Variants in BRINP2 observed in about 807,000 individuals in gnomAD.
BRINP2 encodes the protein BMP/retinoic acid-inducible neural-specific protein 2.
BRINP2 carries 21 observed loss-of-function variants against 69.2 expected under a neutral mutation model. The observed-to-expected ratio is 0.30, with a 90% confidence interval of 0.22 to 0.44. The LOEUF (loss-of-function observed/expected upper bound fraction) is 0.44. BRINP2 is among the 20% of genes least tolerant of loss of function. The probability of loss-of-function intolerance (pLI) is 1.00; values close to 1 mark genes in which losing one functional copy is unlikely to be tolerated. For synonymous variants in BRINP2, 380 were observed against 394.1 expected, an observed-to-expected ratio of 0.96 and a Z score of 0.42; for missense variants, 877 against 986.0, an observed-to-expected ratio of 0.89 and a Z score of 1.48.
At chr1:177,253,218 T>C (rs180820662) in intron 2 of BRINP2, among the ~76,000 whole-genome samples, 1 of 152,294 alleles carries the variant, frequency 6.6e-6, no homozygotes, top group East Asian at 1.9e-4. Flanking sequence ...TGTTATTTTC[T>C]GTCTTTTTGA....
At chr1:177,182,756 T>C (rs933098806) in intron 1 of BRINP2, among the ~76,000 whole-genome samples, 1 of 152,188 alleles carries the variant, frequency 6.6e-6, no homozygotes, top group Non-Finnish European at 1.5e-5. Flanking sequence ...CTACGTACCA[T>C]GTATTTGATC....
In BRINP2 at chr1:177,207,952, C is replaced by T. The variant is rs184768646; in HGVS notation, c.-76-21849C>T. The stretch of plus-strand genomic sequence containing the variant: ...GGCCAGAGTGGCCAGCAGTGCCAAA[C>T]GCCGCAGACAAGTTAGGGTAATGGG... On this transcript the variant is annotated intron_variant, in intron 1 of 7. Transcript: ENST00000361539. Among the ~76,000 whole-genome samples the T allele has an allele frequency of 2.7e-3, 414 of 152,244 alleles. 1 individual carries two copies. The highest frequency in any genetic ancestry group is 9.5e-3 in the African/African-American group (396 of 41,548).
At chr1:177,236,291 T>C (rs758347219) in intron 2 of BRINP2, among the ~76,000 whole-genome samples, 1 of 152,198 alleles carries the variant, frequency 6.6e-6, no homozygotes, top group Non-Finnish European at 1.5e-5. Context: ...AGCATGTCCT[T>C]ATCTTTGGGC....
intron 1 of BRINP2, among the ~76,000 whole-genome samples, chr1:177,200,339 T>C (rs1648873796): frequency 7.6e-6 from 1 of 131,558 alleles, no homozygotes; most frequent in African/African-American, 2.8e-5. Flanking sequence ...ATTAATGCAT[T>C]ATCAACATAG....
chr1:177,199,634 A>G (rs1648844446), intron 1 of BRINP2, among the ~76,000 whole-genome samples: 1 of 152,196 alleles, frequency 6.6e-6, no homozygotes. Flanking sequence ...CAGCATTTTC[A>G]GGGTGAAAAG....
intron 6 of BRINP2, among the ~76,000 whole-genome samples, chr1:177,277,151 G>A (rs1365128629): frequency 1.4e-5 from 2 of 147,340 alleles, no homozygotes; most frequent in African/African-American, 2.6e-5. Context: ...AGACAAAAAG[G>A]TTACATTATA....
At chr1:177,188,994 A>C (rs1342217722) in intron 1 of BRINP2, among the ~76,000 whole-genome samples, 7 of 152,212 alleles carry the variant, frequency 4.6e-5, no homozygotes. Flanking sequence ...GTACACACTA[A>C]TAGTAGAGAA....
intron 2 of BRINP2, among the ~76,000 whole-genome samples, chr1:177,250,157 C>T (rs1169947060): frequency 6.6e-6 from 1 of 152,218 alleles, no homozygotes; most frequent in Non-Finnish European, 1.5e-5. Context: ...ATGATCCTCC[C>T]ACCTCAGCCT....
intron 1 of BRINP2, among the ~76,000 whole-genome samples, chr1:177,178,719 C>T (rs1478220192): frequency 1.3e-5 from 2 of 151,944 alleles, no homozygotes; most frequent in Admixed American, 6.5e-5. Context: ...GATCGAGGCT[C>T]GAAGACATAC....
intron 2 of BRINP2, among the ~76,000 whole-genome samples, chr1:177,242,024 A>G (rs928187168): frequency 6.6e-6 from 1 of 152,216 alleles, no homozygotes; most frequent in African/African-American, 2.4e-5. Flanking sequence ...AGTTGAACTC[A>G]TGAGGTCCTA....
At chr1:177,184,357 C>G (rs1025153038) in intron 1 of BRINP2, among the ~76,000 whole-genome samples, 1 of 152,092 alleles carries the variant, frequency 6.6e-6, no homozygotes, top group Non-Finnish European at 1.5e-5. Context: ...TTTGTGTATG[C>G]AGTCCTCTAC....
At chr1:177,189,933 C>T (rs542222110) in intron 1 of BRINP2, among the ~76,000 whole-genome samples, 148 of 152,280 alleles carry the variant, frequency 9.7e-4, no homozygotes, top group African/African-American at 3.4e-3. Context: ...CATCAGTGTG[C>T]TCTCAGCCAA....
At chr1:177,251,268 G>A (rs941949900) in intron 2 of BRINP2, among the ~76,000 whole-genome samples, 35 of 152,026 alleles carry the variant, frequency 2.3e-4, no homozygotes, top group African/African-American at 8.0e-4. Flanking sequence ...ATTTTGCTGC[G>A]GTGTAAATGT....
intron 2 of BRINP2, among the ~76,000 whole-genome samples, 173 bp downstream of exon 2, chr1:177,230,318 A>T (rs768957375): frequency 3.4e-5 from 5 of 148,228 alleles, no homozygotes; most frequent in Non-Finnish European, 5.9e-5. Flanking sequence ...GTTAGTTTTT[A>T]AAAAAAGAAA....
chr1:177,267,217 T>A (rs1651156375), intron 4 of BRINP2, among the ~76,000 whole-genome samples: 1 of 151,512 alleles, frequency 6.6e-6, no homozygotes, highest in East Asian at 1.9e-4. Context: ...ATCACAGCTC[T>A]CCAAAGACTA....
chr1:177,247,182 T>A (rs1026493186), intron 2 of BRINP2, among the ~76,000 whole-genome samples: 1 of 152,186 alleles, frequency 6.6e-6, no homozygotes, highest in African/African-American at 2.4e-5. Flanking sequence ...TGAGGTATAT[T>A]GGTAGAAAGA....
intron 4 of BRINP2, among the ~76,000 whole-genome samples, chr1:177,262,298 G>A (rs912419501): frequency 1.8e-4 from 28 of 152,112 alleles, no homozygotes; most frequent in Admixed American, 4.6e-4. Context: ...TGGATCACAA[G>A]GTCAAGAGAT....
At chr1:177,209,228 A>T (rs1273254628) in intron 1 of BRINP2, among the ~76,000 whole-genome samples, 1 of 151,986 alleles carries the variant, frequency 6.6e-6, no homozygotes, top group African/African-American at 2.4e-5. Context: ...AAAAAAAAAG[A>T]AAAAGAAAAA....
chr1:177,171,541 A>G lies in BRINP2; in HGVS notation c.-268A>G, dbSNP rs1647930325. On this transcript the variant is annotated 5_prime_UTR_variant, in exon 1 of 8. Coordinates refer to ENST00000361539, the MANE Select transcript of BRINP2 (RefSeq NM_021165.4). ...TGAAAAGAGACATCCGCTCCCTCTC[A>G]CACGCTGAGGGGGAGGCATTCGCGT... 1 of 153,632 alleles carries G rather than the reference A, an allele frequency of 6.5e-6. No homozygotes were observed. Among genetic ancestry groups the G allele is most frequent in the Non-Finnish European group, 1.5e-5 (1 of 68,566 alleles). 9.5% of individuals were successfully genotyped at this position (153,632 alleles called of 1,614,324 possible). A position where few individuals can be genotyped will look rare whatever the true frequency, so the allele number is the denominator to read the frequency against.
Sources: gnomAD v4.1 joint callset for allele counts (sites outside exome capture counted in the v4.1 genomes callset) on GRCh38, gnomAD v4.1.1 for gene constraint, MANE v1.5 for transcripts, NCBI Gene and HGNC (gene_info 2026-07-23, HGNC 2026-07-21) for gene names.